CREBZF: variants seen among roughly 807,000 people sequenced by gnomAD.
CREBZF encodes HCF-binding transcription factor Zhangfei.
Under a neutral mutation model 21.1 loss-of-function variants are expected in CREBZF, and 8 were observed. The ratio of observed to expected loss-of-function variants is 0.38; its 90% confidence interval spans 0.22 to 0.68. The LOEUF is 0.68. Ranked by LOEUF, CREBZF falls within the 30% of genes least tolerant of loss-of-function variation. CREBZF has a pLI of 0.51. For synonymous variants in CREBZF, 270 were observed against 223.3 expected, an observed-to-expected ratio of 1.21 and a Z score of -1.86; for missense variants, 518 against 484.3, an observed-to-expected ratio of 1.07 and a Z score of -0.65.
chr11:85,671,479 A>G (rs116978664), intron 1 of CREBZF, among the ~76,000 whole-genome samples: 5,554 of 152,306 alleles, frequency 0.036, 155 homozygotes, highest in Admixed American at 0.053. Flanking sequence ...TCCACAGTCC[A>G]AAGTCTCATT....
rs1178657537 is a variant in CREBZF, at chr11:85,660,813, T to C, written c.*2998A>G. 2 of 254,886 alleles carry C rather than the reference T, an allele frequency of 7.8e-6. No homozygotes were observed. The highest frequency in any genetic ancestry group is 7.8e-6 in the Non-Finnish European group (1 of 128,496). 15.8% of individuals were successfully genotyped at this position (254,886 alleles called of 1,614,324 possible). A position where few individuals can be genotyped will look rare whatever the true frequency, so the allele number is the denominator to read the frequency against. On this transcript the variant is annotated 3_prime_UTR_variant, in exon 1 of 1. Coordinates refer to ENST00000527447, the MANE Select transcript of CREBZF (RefSeq NM_001039618.4). The stretch of plus-strand genomic sequence containing the variant: ...AAATATGATGTGTTAGTTCAATTAA[T>C]GTATGAACTCCTGCCACCATCAAAA...
upstream of CREBZF, among the ~76,000 whole-genome samples, chr11:85,666,302 T>C (rs138867775): frequency 5.1e-4 from 78 of 152,288 alleles, no homozygotes; most frequent in Admixed American, 8.5e-4. Flanking sequence ...ACAAGTACAT[T>C]AGAATATAGT....
At position 85,673,383 on chromosome 11, in the gene CREBZF, CAT is replaced by C. The variant is rs151279753; in HGVS notation, n.147+9332_147+9333del. On this transcript the variant is annotated intron_variant and non_coding_transcript_variant, in intron 1 of 3. Transcript: ENST00000531515. ...AAGTGAATATCATAATAAAGTGAGT[CAT>C]GTGAATGTTCTGGTATCCTAGTGCA... Among the ~76,000 whole-genome samples the C allele has an allele frequency of 9.5e-3, 1,446 of 152,320 alleles. 16 individuals carry two copies. Among genetic ancestry groups the C allele is most frequent in the Non-Finnish European group, 0.015 (1,011 of 68,020 alleles).
chr11:85,681,573 C>G (rs1004706471), intron 1 of CREBZF, among the ~76,000 whole-genome samples: 1 of 152,148 alleles, frequency 6.6e-6, no homozygotes, highest in African/African-American at 2.4e-5. Context: ...GTTTAAGGAA[C>G]AAAAAGTCAC....
At chr11:85,676,491 AC>A (rs2082943418) in intron 1 of CREBZF, among the ~76,000 whole-genome samples, 1 of 152,158 alleles carries the variant, frequency 6.6e-6, no homozygotes, top group South Asian at 2.1e-4. Context: ...ATCCTTATAG[AC>A]CCATCGTCCA....
At chr11:85,682,105 A>G (rs1231468437) in intron 1 of CREBZF, among the ~76,000 whole-genome samples, 1 of 152,214 alleles carries the variant, frequency 6.6e-6, no homozygotes, top group Non-Finnish European at 1.5e-5. Context: ...AGTGAGCATT[A>G]AACCAGGTGT....
chr11:85,671,493 G>A (rs1460704071), intron 1 of CREBZF, among the ~76,000 whole-genome samples: 2 of 152,162 alleles, frequency 1.3e-5, no homozygotes, highest in Admixed American at 6.5e-5. Flanking sequence ...TCTCATTGGA[G>A]GCAAGGCAAG....
At chr11:85,669,001 C>A (rs1348751511), upstream of CREBZF, among the ~76,000 whole-genome samples, 3 of 33,218 alleles carry the variant, frequency 9.0e-5, no homozygotes, top group African/African-American at 2.2e-4. Flanking sequence ...GACTCCGTCT[C>A]AAAAAAAAAA....
In CREBZF at chr11:85,664,079, T is replaced by C; in HGVS notation, c.797A>G (p.Tyr266Cys). Residue 266 changes from tyrosine to cysteine, a missense_variant, in exon 1 of 1, where the codon TAC (tyrosine) becomes TGC (cysteine). Around this residue, in one of 3 missense-constraint regions of CREBZF, gnomAD observed 114 missense variants for 134.1 expected, o/e 0.85. Transcript: ENST00000527447. This position sits in a 1 kb window ranked among gnomAD's most constrained non-coding sequence, Gnocchi z 5.5. ...CTCGTTGGCTAAGACTGCCCGTAGGTAGCGACTCTCCTCCTGCAGTGCCTG... is the reference window on the plus strand; with the variant it reads ...CTCGTTGGCTAAGACTGCCCGTAGGCAGCGACTCTCCTCCTGCAGTGCCTG... ...RVQALQEESR[Y>C]LRAVLANETG... is the part of the protein sequence containing the mutation. 1 of 1,613,596 alleles carries C rather than the reference T, an allele frequency of 6.2e-7. No individual in the cohort carries two copies. Among genetic ancestry groups the C allele is most frequent in the Non-Finnish European group, 8.5e-7 (1 of 1,180,026 alleles).
chr11:85,676,864 A>G (rs2082945529), intron 1 of CREBZF, among the ~76,000 whole-genome samples: 1 of 145,348 alleles, frequency 6.9e-6, no homozygotes, highest in African/African-American at 2.6e-5. Flanking sequence ...GGCTGGTCTC[A>G]AGCTCCTGGG....
chr11:85,670,273 C>A (rs1473554197), intron 1 of CREBZF, among the ~76,000 whole-genome samples: 1 of 106,686 alleles, frequency 9.4e-6, no homozygotes, highest in South Asian at 3.9e-4. Context: ...ACTTTAATCC[C>A]CCCCCCCCAC....
upstream of CREBZF, among the ~76,000 whole-genome samples, chr11:85,666,506 A>C (rs1206986574): frequency 6.6e-6 from 1 of 152,242 alleles, no homozygotes; most frequent in African/African-American, 2.4e-5. Context: ...TCCTTTGTTC[A>C]TGAGTAAAAT....
chr11:85,670,793 G>C (rs290184), intron 1 of CREBZF, among the ~76,000 whole-genome samples: 5 of 151,980 alleles, frequency 3.3e-5, no homozygotes, highest in Middle Eastern at 3.2e-3. Context: ...ATTAGATTGC[G>C]TCCCTCAAAA....
At position 85,664,391 on chromosome 11, in the gene CREBZF, A is replaced by T; in HGVS notation, c.485T>A (p.Leu162Gln). The change falls in exon 1 of 1, where the codon CTG becomes CAG. Residue 162 changes from leucine (L) to glutamine (Q), a missense_variant. Transcript: ENST00000527447. This position sits in a 1 kb window ranked among gnomAD's most constrained non-coding sequence, Gnocchi z 5.5. ...AAAEMQRFSD[L>Q]LQRLLNGIGG... ...GATACCGTTTAACAGCCTTTGCAGC[A>T]GGTCAGAGAAGCGCTGCATTTCAGC... 6.2e-7 allele frequency: 1 copy of T among 1,613,826 alleles called. No homozygotes were observed. Among genetic ancestry groups the T allele is most frequent in the African/African-American group, 1.3e-5 (1 of 75,024 alleles).
chr11:85,674,434 A>G (rs1297636798), intron 1 of CREBZF, among the ~76,000 whole-genome samples: 1 of 152,222 alleles, frequency 6.6e-6, no homozygotes, highest in Non-Finnish European at 1.5e-5. Context: ...CACACTGTAG[A>G]TAGATATGCT....
Position 85,662,300 on chromosome 11 carries a change from T to C in CREBZF, c.*1511A>G, listed in dbSNP as rs2082709283. 3 of 658,968 alleles carry C rather than the reference T, an allele frequency of 4.6e-6. No individual in the cohort carries two copies. The South Asian group carries it at 5.0e-5, about 11-fold the overall frequency. 40.8% of individuals were successfully genotyped at this position (658,968 alleles called of 1,614,324 possible). A position where few individuals can be genotyped will look rare whatever the true frequency, so the allele number is the denominator to read the frequency against. ...AAGATAACTTACATCTTTGGACTGC[T>C]GGAAAATACTTTTTAATTATGAACA... On this transcript the variant is annotated 3_prime_UTR_variant, in exon 1 of 1. Transcript: ENST00000527447.
chr11:85,682,060 T>G (rs975576048), intron 1 of CREBZF, among the ~76,000 whole-genome samples: 1 of 152,222 alleles, frequency 6.6e-6, no homozygotes, highest in African/African-American at 2.4e-5. Flanking sequence ...TGGGGCCGCT[T>G]GTTAAAAAAT....
Position 85,664,543 on chromosome 11 carries a change from C to A in CREBZF, c.333G>T (p.Leu111=), listed in dbSNP as rs2082797741. 3 of 1,613,762 alleles carry A rather than the reference C, an allele frequency of 1.9e-6. No individual in the cohort carries two copies. Among genetic ancestry groups the A allele is most frequent in the Non-Finnish European group, 2.5e-6 (3 of 1,179,998 alleles). ...FLSGLELADL[L]DPRQPDWHLD... ...GGTGCCAGTCCGGTTGCCTGGGGTC[C>A]AGGAGATCCGCCAGTTCCAGCCCAG... Residue 111 remains leucine, a synonymous_variant, in exon 1 of 1, where the codon CTG becomes CTT. Transcript: ENST00000527447. This position sits in a 1 kb window ranked among gnomAD's most constrained non-coding sequence, Gnocchi z 5.5.
rs1415607474 is a variant in CREBZF at position 85,664,840 on chromosome 11, C to T, written c.36G>A (p.Ser12=). 2.0e-6 allele frequency: 3 copies of T among 1,529,514 alleles called. No individual in the cohort carries two copies. The highest frequency in any genetic ancestry group is 2.8e-5 in the African/African-American group (2 of 71,856). 94.7% of individuals were successfully genotyped at this position (1,529,514 alleles called of 1,614,324 possible). A position where few individuals can be genotyped will look rare whatever the true frequency, so the allele number is the denominator to read the frequency against. ...CACTGCGGGTTGGGGAGTTGCTGCC[C>T]GAGGCTGCCAGCAGCTTGGTCAGGC... ...RHSLTKLLAA[S]GSNSPTRSES... is the part of the protein sequence containing the mutation. Residue 12 remains serine, a synonymous_variant, in exon 1 of 1, where the codon TCG becomes TCA. Transcript: ENST00000527447. This position sits in a 1 kb window ranked among gnomAD's most constrained non-coding sequence, Gnocchi z 5.5.
Sources: allele counts gnomAD v4.1 joint callset (sites outside exome capture counted in the v4.1 genomes callset), GRCh38; gene constraint gnomAD v4.1.1; regional missense constraint gnomAD v4.1.1; non-coding constraint Gnocchi (gnomAD v3.1); transcripts MANE v1.5; gene names NCBI Gene and HGNC (gene_info 2026-07-23, HGNC 2026-07-21).